The following SEMA3C variants were observed in gnomAD, a reference collection of about 807,000 sequenced individuals.
The protein encoded by SEMA3C is semaphorin 3C, also known as semaphorin-3C.
Under a neutral mutation model 89.4 loss-of-function variants are expected in SEMA3C, and 47 were observed. That is an observed-to-expected ratio of 0.53 (90% confidence interval 0.42 to 0.67). SEMA3C has a LOEUF of 0.67. Among genes scored for constraint, SEMA3C ranks in the 30% least tolerant of loss-of-function variants. SEMA3C has a pLI of 0.00. For synonymous variants in SEMA3C, 310 were observed against 320.2 expected (o/e 0.97, Z 0.34); for missense variants, 839 against 929.1 (o/e 0.90, Z 1.26).
rs146419493 is a variant in SEMA3C at position 80,767,305 on chromosome 7, A to G, written c.1355-2062T>C. Among the ~76,000 whole-genome samples the G allele has an allele frequency of 3.6e-3, 542 of 152,328 alleles. 3 individuals carry two copies. The highest frequency in any genetic ancestry group is 0.012 in the African/African-American group (494 of 41,564). On this transcript the variant is annotated intron_variant, in intron 12 of 17. Transcript: ENST00000265361. ...AAAATGTAGAGGAAATTTTGAAATT[A>G]GATGATCCAAATAAGCTGAATCAAA...
intron 2 of SEMA3C, among the ~76,000 whole-genome samples, chr7:80,850,584 C>A (rs1305265230): frequency 1.3e-5 from 2 of 151,994 alleles, no homozygotes; most frequent in African/African-American, 2.4e-5. Flanking sequence ...TAGAAGTAAT[C>A]CTGGTGGTTA....
intron 12 of SEMA3C, among the ~76,000 whole-genome samples, chr7:80,786,923 T>C (rs1348645250): frequency 6.6e-6 from 1 of 152,140 alleles, no homozygotes; most frequent in Non-Finnish European, 1.5e-5. Context: ...GTTTGAAGCA[T>C]GATGTTTGAA....
intron 2 of SEMA3C, among the ~76,000 whole-genome samples, chr7:80,876,792 A>G (rs1210760507): frequency 1.3e-5 from 2 of 152,236 alleles, no homozygotes; most frequent in East Asian, 3.8e-4. Context: ...TCAATTTGTC[A>G]ATCTGATTTG....
Position 80,818,362 on chromosome 7 carries a change from A to G in SEMA3C, c.384T>C (p.Tyr128=). 6.2e-7 allele frequency: 1 copy of G among 1,613,620 alleles called. No homozygotes were observed. Among genetic ancestry groups the G allele is most frequent in the Non-Finnish European group, 8.5e-7 (1 of 1,179,626 alleles). ...VIQTFNRTHL[Y]VCGSGAFSPV... ...GACTGAAAGCGCCACTCCCACAGAC[A>G]TACAAATGTGTGCGATTGAAAGTCT... The change falls in exon 5 of 18, where the codon TAT becomes TAC. Residue 128 remains tyrosine (Y), a synonymous_variant. Transcript: ENST00000265361.
intron 6 of SEMA3C, among the ~76,000 whole-genome samples, chr7:80,808,996 C>T (rs1027911538): frequency 6.6e-6 from 1 of 152,086 alleles, no homozygotes; most frequent in Non-Finnish European, 1.5e-5. Context: ...AGGCTGGTCT[C>T]GAACTTCCAG....
At chr7:80,826,279 T>C (rs1789871295) in intron 4 of SEMA3C, among the ~76,000 whole-genome samples, 1 of 152,158 alleles carries the variant, frequency 6.6e-6, no homozygotes, top group Admixed American at 6.6e-5. Flanking sequence ...CAGTCTTCAC[T>C]CCTGAAATCA....
At chr7:80,878,437 C>T (rs913982235) in intron 2 of SEMA3C, among the ~76,000 whole-genome samples, 1 of 152,160 alleles carries the variant, frequency 6.6e-6, no homozygotes, top group African/African-American at 2.4e-5. Context: ...AAGACTGACA[C>T]TGGGACACTG....
intron 2 of SEMA3C, among the ~76,000 whole-genome samples, chr7:80,861,134 A>G (rs1175850860): frequency 3.3e-5 from 5 of 152,142 alleles, no homozygotes; most frequent in Non-Finnish European, 7.4e-5. Context: ...GACTTTCAGT[A>G]TAAAACGCAT....
At chr7:80,814,851 T>C (rs897772140) in intron 5 of SEMA3C, among the ~76,000 whole-genome samples, 1 of 152,212 alleles carries the variant, frequency 6.6e-6, no homozygotes, top group Admixed American at 6.5e-5. Context: ...TCTGTCACCA[T>C]TGCTATCACC....
At position 80,827,415 on chromosome 7, in the gene SEMA3C, T is replaced by TTTG. The variant is rs762367640; in HGVS notation, c.327+9_327+10insCAA. ...GTGTTTTTTTTTTTTTTTTTTTTTT[T>TTTG]AACACTTACTGTGGGATCTTTGCCA... On this transcript the variant is annotated intron_variant, in intron 4 of 17. Coordinates refer to ENST00000265361, the MANE Select transcript of SEMA3C (RefSeq NM_006379.5). The TTTG allele has an allele frequency of 1.4e-6, 2 of 1,471,082 alleles. No homozygotes were observed. Among genetic ancestry groups the TTTG allele is most frequent in the South Asian group, 2.6e-5 (2 of 77,208 alleles). 91.1% of individuals were successfully genotyped at this position (1,471,082 alleles called of 1,614,324 possible).
At chr7:80,882,337 C>T (rs1156302827) in intron 2 of SEMA3C, among the ~76,000 whole-genome samples, 1 of 150,316 alleles carries the variant, frequency 6.7e-6, no homozygotes, top group Admixed American at 6.6e-5. Flanking sequence ...GAGACTAAAC[C>T]ATAGCAAGGA....
chr7:80,753,845 C>A (rs970787099), intron 15 of SEMA3C, among the ~76,000 whole-genome samples: 7 of 152,124 alleles, frequency 4.6e-5, no homozygotes, highest in African/African-American at 1.7e-4. Context: ...GACTATACTG[C>A]AATATTTGAT....
chr7:80,890,469 T>C (rs1791585307), intron 2 of SEMA3C, among the ~76,000 whole-genome samples: 2 of 152,210 alleles, frequency 1.3e-5, no homozygotes, highest in African/African-American at 4.8e-5. Context: ...AAATAAACTT[T>C]AGAAACCACT....
intron 2 of SEMA3C, among the ~76,000 whole-genome samples, chr7:80,913,831 T>C (rs1792208579): frequency 6.6e-6 from 1 of 152,212 alleles, no homozygotes; most frequent in Non-Finnish European, 1.5e-5. Context: ...CAAATGTTAT[T>C]ACTCCATTAT....
upstream of SEMA3C, among the ~76,000 whole-genome samples, chr7:80,920,021 C>A (rs2116274707): frequency 6.6e-6 from 1 of 152,270 alleles, no homozygotes. Context: ...ACGTTGTCCC[C>A]AACCATACTC....
At chr7:80,785,858 T>C (rs967937001) in intron 12 of SEMA3C, among the ~76,000 whole-genome samples, 3 of 152,244 alleles carry the variant, frequency 2.0e-5, no homozygotes, top group Admixed American at 1.3e-4. Flanking sequence ...TCTGCTGGCC[T>C]TGGCCTCCCA....
chr7:80,805,365 C>T (rs1789313596), intron 7 of SEMA3C, among the ~76,000 whole-genome samples: 1 of 152,010 alleles, frequency 6.6e-6, no homozygotes, highest in South Asian at 2.1e-4. Context: ...TGCTTGGGTA[C>T]TGAAATATAA....
At chr7:80,846,276 A>C (rs1790387556) in intron 2 of SEMA3C, among the ~76,000 whole-genome samples, 1 of 152,102 alleles carries the variant, frequency 6.6e-6, no homozygotes, top group Non-Finnish European at 1.5e-5. Context: ...TGTTTGGAAA[A>C]CATCATGCTA....
intron 17 of SEMA3C, among the ~76,000 whole-genome samples, chr7:80,746,718 GGTGTGT>G (rs5885196): frequency 1.0e-4 from 15 of 143,022 alleles, no homozygotes; most frequent in South Asian, 9.1e-4. Context: ...ATTGAAGTGG[GGTGTGT>G]GTGTGTGTGT....
Sources: allele counts gnomAD v4.1 joint callset (sites outside exome capture counted in the v4.1 genomes callset), GRCh38; gene constraint gnomAD v4.1.1; transcripts MANE v1.5; gene names NCBI Gene and HGNC (gene_info 2026-07-23, HGNC 2026-07-21).